The following FER1L5 variants were observed in gnomAD, a reference collection of about 807,000 sequenced individuals.
FER1L5 encodes the protein fer-1-like protein 5.
A neutral mutation model predicts 279.9 loss-of-function variants in FER1L5; 187 were observed. That is an observed-to-expected ratio of 0.67 (90% CI 0.59 to 0.75). FER1L5 has a LOEUF of 0.75. Among genes scored for constraint, FER1L5 ranks in the 30% least tolerant of loss-of-function variants. FER1L5 has a pLI of 0.00. For missense variants in FER1L5, 2,091 were observed against 2,594.4 expected (o/e 0.81, Z 4.21); for synonymous variants, 921 against 989.7 (o/e 0.93, Z 1.30).
chr2:96,661,852 G>A lies in FER1L5; in HGVS notation c.1018+61G>A, dbSNP rs1444796844. 9 of 1,542,970 alleles carry A rather than the reference G, an allele frequency of 5.8e-6. No individual in the cohort carries two copies. The East Asian group carries it at 7.3e-5, about 13-fold the overall frequency. On this transcript the variant is annotated intron_variant, in intron 12 of 52. Coordinates refer to ENST00000624922, the MANE Select transcript of FER1L5 (RefSeq NM_001293083.2). ...AGATTCCCTACACGGTGATACCCTG[G>A]ATCCTCATGGAGTTTCCTCATTCCT...
chr2:96,670,392 T>A, intron 18 of FER1L5, 145 bp downstream of exon 18: 1 of 1,107,034 alleles, frequency 9.0e-7, no homozygotes, highest in Non-Finnish European at 1.3e-6. Flanking sequence ...TCGGCCTGAT[T>A]ATTTACTAAG....
At chr2:96,671,120 A>AAAAAAAAAAAAAAAAAAAAAAAAGAAAAG (rs2076313403) in intron 18 of FER1L5, among the ~76,000 whole-genome samples, 1 of 150,070 alleles carries the variant, frequency 6.7e-6, no homozygotes, top group Admixed American at 6.7e-5. Context: ...AAAAAAAAAA[A>AAAAAAAAAAAAAAAAAAAAAAAAGAAAAG]AAAAAAAAGG....
chr2:96,700,685 G>GTCA (rs1471014554), intron 45 of FER1L5, among the ~76,000 whole-genome samples: 4 of 152,198 alleles, frequency 2.6e-5, no homozygotes, highest in African/African-American at 9.7e-5. Flanking sequence ...AGCTGGAAAG[G>GTCA]TCATCTACAA....
rs760432928 is a variant in FER1L5 at position 96,695,482 on chromosome 2, T to A, written c.3742-27T>A. ...TTACAGAGGCGCTGCCTGCCCCTTG[T>A]CCTGCCCTCCTTCTTTGTTCTGGTA... On this transcript the variant is annotated intron_variant, in intron 34 of 52. Transcript: ENST00000624922. 4 of 1,559,060 alleles carry A rather than the reference T, an allele frequency of 2.6e-6. 1 individual carries two copies. The Admixed American group carries it at 8.2e-5, about 32-fold the overall frequency.
rs534208694 is a variant in FER1L5 at position 96,690,473 on chromosome 2, C to T, written c.2641-14C>T. The T allele has an allele frequency of 1.6e-5, 25 of 1,551,050 alleles. No homozygotes were observed. The African/African-American group carries it at 2.6e-4, about 16-fold the overall frequency. ...CTCATGTGCCCCTCGCTCGCCCTCT[C>T]TGTCCACCTGCAGAATGGACAGCCC... On this transcript the variant is annotated splice_polypyrimidine_tract_variant and intron_variant, in intron 26 of 52. Transcript: ENST00000624922.
intron 18 of FER1L5, among the ~76,000 whole-genome samples, chr2:96,671,061 C>G (rs1231122132): frequency 2.3e-5 from 3 of 132,898 alleles, no homozygotes; most frequent in Admixed American, 8.5e-5. Context: ...GAGCCAGGAT[C>G]ATGCCACTGC....
chr2:96,691,276 C>CGGCGCTG lies in FER1L5; in HGVS notation c.2836_2842dup (p.Arg948LeufsTer37). ...GAAGACCTACCACTCGTGCCGCCGC[C>CGGCGCTG]GGCGCTGGGCGCGTGTGCGCTTCAG... On this transcript the variant is annotated frameshift_variant, in exon 28 of 53. Coordinates refer to ENST00000624922, the MANE Select transcript of FER1L5 (RefSeq NM_001293083.2). LOFTEE classifies it high-confidence loss of function. This position sits in a 1 kb window ranked among gnomAD's most constrained non-coding sequence, Gnocchi z 6.0. 2 of 1,550,574 alleles carry CGGCGCTG rather than the reference C, an allele frequency of 1.3e-6. No individual in the cohort carries two copies. Among genetic ancestry groups the CGGCGCTG allele is most frequent in the Non-Finnish European group, 1.7e-6 (2 of 1,146,888 alleles).
Position 96,691,223 on chromosome 2 carries a change from G to A in FER1L5, c.2777G>A (p.Gly926Asp). ...TATGGAGTGGGGATCCCACCGTCGG[G>A]CCTGCCCCAGGTCTGGAGCCCGGTG... ...WEYGVGIPPS[G>D]LPQVWSPVEK... The change falls in exon 28 of 53, where the codon GGC becomes GAC. Residue 926 changes from glycine to aspartate, a missense_variant. Gly to Asp is a moderately conservative substitution (Grantham distance 94, BLOSUM62 -1). Transcript: ENST00000624922. The surrounding 1 kb of genome is among the most constrained non-coding windows in gnomAD (Gnocchi z 6.0). 1 of 1,550,176 alleles carries A rather than the reference G, an allele frequency of 6.5e-7. No homozygotes were observed. Among genetic ancestry groups the A allele is most frequent in the Non-Finnish European group, 8.7e-7 (1 of 1,146,778 alleles).
In FER1L5 at chr2:96,665,362, T is replaced by G. The variant is rs1193336646; in HGVS notation, c.1140+1855T>G. On this transcript the variant is annotated intron_variant, in intron 14 of 52. Transcript: ENST00000624922. ...CTTCTAGTAGCTACCCAGTCTGCCT[T>G]CCTGTGAGTCATCACTTTCAACCAT... 3.3e-5 allele frequency among the ~76,000 whole-genome samples: 5 copies of G among 152,124 alleles called. No individual in the cohort carries two copies. The East Asian group carries it at 7.7e-4, about 23-fold the overall frequency.
chr2:96,687,620 C>G (rs1293687877), intron 23 of FER1L5, 196 bp from the exon 24 acceptor site: 1 of 768,116 alleles, frequency 1.3e-6, no homozygotes, highest in East Asian at 2.8e-5. Flanking sequence ...TCATGGCTCC[C>G]AGGGTGGAGC....
In FER1L5 at chr2:96,697,793, A is replaced by C. The variant is rs1474056760; in HGVS notation, c.4236+32A>C. ...AGGAGGGAAGAAATGGGATGGAATC[A>C]AATCTCCCACTGGAGGAGGCCAGCA... On this transcript the variant is annotated intron_variant, in intron 39 of 52. Transcript: ENST00000624922. The C allele has an allele frequency of 2.5e-6, 4 of 1,609,088 alleles. No homozygotes were observed. In the Admixed American group the frequency reaches 6.7e-5, roughly 27 times the overall value.
chr2:96,684,984 CTG>C (rs1404038376), intron 20 of FER1L5, among the ~76,000 whole-genome samples: 4 of 152,068 alleles, frequency 2.6e-5, no homozygotes, highest in African/African-American at 9.6e-5. Flanking sequence ...AGATCAGAAA[CTG>C]TCTCAAGTGC....
chr2:96,661,472 A>G, intron 11 of FER1L5, 32 bp downstream of exon 11: 1 of 1,545,764 alleles, frequency 6.5e-7, no homozygotes, highest in South Asian at 1.2e-5. Flanking sequence ...AAACTTTCCT[A>G]TCCTGGCTGC....
At position 96,693,491 on chromosome 2, in the gene FER1L5, C is replaced by A; in HGVS notation, c.3293-15C>A. 1.9e-6 allele frequency: 3 copies of A among 1,547,852 alleles called. No homozygotes were observed. The highest frequency in any genetic ancestry group is 2.6e-6 in the Non-Finnish European group (3 of 1,144,872). Reference sequence around the variant, plus strand: ...CCAGCTCAAGACACTGCTACCTTCTCCTCTACCCCTCCAGGGCCCTTCATT... The same window carrying A: ...CCAGCTCAAGACACTGCTACCTTCTACTCTACCCCTCCAGGGCCCTTCATT... On this transcript the variant is annotated splice_polypyrimidine_tract_variant and intron_variant, in intron 31 of 52. Transcript: ENST00000624922.
intron 17 of FER1L5, 131 bp downstream of exon 17, chr2:96,669,268 G>A (rs896005508): frequency 9.7e-5 from 83 of 851,438 alleles, no homozygotes; most frequent in Non-Finnish European, 1.4e-4. Context: ...AGGACGTGAA[G>A]CCTGTCCATG....
Position 96,673,267 on chromosome 2 carries a change from T to G in FER1L5, c.1669+13T>G. 6.5e-7 allele frequency: 1 copy of G among 1,545,010 alleles called. No individual in the cohort carries two copies. The highest frequency in any genetic ancestry group is 8.8e-7 in the Non-Finnish European group (1 of 1,141,488). ...GTGATATATGATGGTAATTGTCAGA[T>G]TCAGGCAATAAGTAGAGAGCAGCCA... is the stretch of plus-strand genomic sequence containing the variant. On this transcript the variant is annotated intron_variant, in intron 19 of 52. Coordinates refer to ENST00000624922, the MANE Select transcript of FER1L5 (RefSeq NM_001293083.2).
At chr2:96,662,101 A>AG in intron 12 of FER1L5, 114 bp from the exon 13 acceptor site, 1 of 1,083,244 alleles carries the variant, frequency 9.2e-7, no homozygotes. Context: ...AGGTCTGCCC[A>AG]GGGGGCACCC....
chr2:96,671,210 T>C (rs1265854366), intron 18 of FER1L5, among the ~76,000 whole-genome samples: 2 of 151,762 alleles, frequency 1.3e-5, no homozygotes, highest in African/African-American at 4.8e-5. Flanking sequence ...TCTAAGGGAT[T>C]TGGGTTTCTT....
rs576955490 is a variant in FER1L5, at chr2:96,698,904, G to A, written c.4518+72G>A. On this transcript the variant is annotated intron_variant, in intron 41 of 52. Coordinates refer to ENST00000624922, the MANE Select transcript of FER1L5 (RefSeq NM_001293083.2). The surrounding 1 kb of genome is among the most constrained non-coding windows in gnomAD (Gnocchi z 5.5). ...CAACCCATCTCTGGGAGCCCCCTCCGACTGCTGACACACAGAATGCCAACT... is the reference window on the plus strand; with the variant it reads ...CAACCCATCTCTGGGAGCCCCCTCCAACTGCTGACACACAGAATGCCAACT... 29 of 1,536,468 alleles carry A rather than the reference G, an allele frequency of 1.9e-5. No homozygotes were observed. The highest frequency in any genetic ancestry group is 1.1e-4 in the South Asian group (9 of 83,370).
Sources: allele counts gnomAD v4.1 joint callset (sites outside exome capture counted in the v4.1 genomes callset), GRCh38; gene constraint gnomAD v4.1.1; non-coding constraint Gnocchi (gnomAD v3.1); transcripts MANE v1.5; gene names NCBI Gene and HGNC (gene_info 2026-07-23, HGNC 2026-07-21).